DMXL2: variants seen among roughly 807,000 people sequenced by gnomAD.
The protein encoded by DMXL2 is Dmx like 2.
A neutral mutation model predicts 331.1 loss-of-function variants in DMXL2; 103 were observed. That is an observed-to-expected ratio of 0.31 (90% CI 0.27 to 0.37). The LOEUF (loss-of-function observed/expected upper bound fraction) is 0.37, where lower values mean the gene tolerates loss of function less well. Ranked by LOEUF, DMXL2 falls within the 10% of genes least tolerant of loss-of-function variation. The pLI is 1.00. For missense variants in DMXL2, 3,171 were observed against 3,642.9 expected (o/e 0.87, Z 3.33); for synonymous variants, 1,281 against 1,252.1 (o/e 1.02, Z -0.49).
intron 27 of DMXL2, among the ~76,000 whole-genome samples, chr15:51,475,822 A>T (rs1182432401): frequency 6.6e-6 from 1 of 152,200 alleles, no homozygotes; most frequent in Non-Finnish European, 1.5e-5. Context: ...GTTTAGATGG[A>T]AAGGGATATC....
chr15:51,485,928 T>C, intron 23 of DMXL2, 145 bp downstream of exon 23: 1 of 819,950 alleles, frequency 1.2e-6, no homozygotes. Context: ...ATCTAATCCT[T>C]TAGACACACA....
intron 6 of DMXL2, among the ~76,000 whole-genome samples, chr15:51,556,571 G>A (rs1403238706): frequency 3.9e-5 from 6 of 151,950 alleles, no homozygotes; most frequent in African/African-American, 7.3e-5. Flanking sequence ...TCAGGAGTTC[G>A]AGACCAGCCT....
chr15:51,552,401 G>A (rs754050740), intron 6 of DMXL2, among the ~76,000 whole-genome samples: 1 of 152,174 alleles, frequency 6.6e-6, no homozygotes, highest in Admixed American at 6.5e-5. Flanking sequence ...GGAGGGCAGA[G>A]ACATGGACTT....
chr15:51,600,749 G>T (rs2053168471), intron 1 of DMXL2, among the ~76,000 whole-genome samples: 1 of 152,100 alleles, frequency 6.6e-6, no homozygotes, highest in Non-Finnish European at 1.5e-5. Context: ...GAACCACAAG[G>T]GTATCTGCCA....
intron 20 of DMXL2, among the ~76,000 whole-genome samples, chr15:51,489,128 T>C (rs2042609614): frequency 6.6e-6 from 1 of 152,204 alleles, no homozygotes; most frequent in Non-Finnish European, 1.5e-5. Flanking sequence ...TCTTGAAAAT[T>C]CAACATGTTA....
chr15:51,504,149 A>G (rs1242884732), intron 16 of DMXL2, among the ~76,000 whole-genome samples: 1 of 152,086 alleles, frequency 6.6e-6, no homozygotes, highest in Admixed American at 6.5e-5. Context: ...GATCCCAGTA[A>G]AGCAGCCCAG....
chr15:51,589,860 C>T (rs771424839), intron 1 of DMXL2, among the ~76,000 whole-genome samples: 1 of 152,054 alleles, frequency 6.6e-6, no homozygotes, highest in Non-Finnish European at 1.5e-5. Context: ...TAGGACTCGA[C>T]CCTAAGAAAA....
chr15:51,488,107 A>G lies in DMXL2; in HGVS notation c.5064T>C (p.Asp1688=). ...VVWGLFRSQH[D]EKMTTFFSHN... ...GGCTGAAAAATGTTGTCATTTTTTC[A>G]TCATGCTGTGACCTGGGGACCGAGC... Residue 1688 remains aspartate, a synonymous_variant, in exon 22 of 44, where the codon GAT becomes GAC. Transcript: ENST00000560891. 6.2e-7 allele frequency: 1 copy of G among 1,607,974 alleles called. No homozygotes were observed. Among genetic ancestry groups the G allele is most frequent in the Non-Finnish European group, 8.5e-7 (1 of 1,177,458 alleles).
chr15:51,546,639 A>G (rs571561569), intron 7 of DMXL2, among the ~76,000 whole-genome samples: 1 of 152,200 alleles, frequency 6.6e-6, no homozygotes, highest in South Asian at 2.1e-4. Context: ...AGTTTATTTA[A>G]TCTTCTAAAT....
intron 1 of DMXL2, among the ~76,000 whole-genome samples, chr15:51,605,254 G>C (rs1208427791): frequency 3.9e-5 from 6 of 152,278 alleles, no homozygotes; most frequent in Admixed American, 2.6e-4. Flanking sequence ...AGGCTAGAGT[G>C]CAGTAGCATC....
At chr15:51,525,387 A>T (rs1482413058) in intron 13 of DMXL2, among the ~76,000 whole-genome samples, 2 of 152,130 alleles carry the variant, frequency 1.3e-5, no homozygotes, top group Admixed American at 1.3e-4. Context: ...CTTCGACAGC[A>T]CATATATTAA....
intron 20 of DMXL2, 34 bp downstream of exon 20, chr15:51,491,544 T>A (rs779495021): frequency 3.8e-6 from 6 of 1,560,424 alleles, no homozygotes; most frequent in South Asian, 3.7e-5. Flanking sequence ...AAGGTTTTTT[T>A]AATATAACTC....
At chr15:51,592,938 C>T (rs944668652) in intron 1 of DMXL2, among the ~76,000 whole-genome samples, 28 of 152,258 alleles carry the variant, frequency 1.8e-4, no homozygotes, top group African/African-American at 6.7e-4. Context: ...AAGGAACAAC[C>T]AGTACCAGCC....
At chr15:51,552,783 T>C (rs986122711) in intron 6 of DMXL2, among the ~76,000 whole-genome samples, 2 of 152,170 alleles carry the variant, frequency 1.3e-5, no homozygotes, top group Non-Finnish European at 2.9e-5. Context: ...TCCAGACCCA[T>C]AACTTTAAAC....
intron 33 of DMXL2, among the ~76,000 whole-genome samples, chr15:51,462,417 C>T (rs1392873156): frequency 6.6e-6 from 1 of 152,110 alleles, no homozygotes; most frequent in Non-Finnish European, 1.5e-5. Flanking sequence ...CTTACTGCAA[C>T]CTCTGCCTCT....
intron 1 of DMXL2, among the ~76,000 whole-genome samples, chr15:51,585,799 A>C (rs555723509): frequency 6.6e-6 from 1 of 152,188 alleles, no homozygotes; most frequent in Non-Finnish European, 1.5e-5. Flanking sequence ...ATCTTTTCAC[A>C]TATTTATCAG....
At position 51,478,345 on chromosome 15, in the gene DMXL2, C is replaced by T; in HGVS notation, c.6759G>A (p.Val2253=). 6.2e-7 allele frequency: 1 copy of T among 1,612,362 alleles called. No homozygotes were observed. The highest frequency in any genetic ancestry group is 1.1e-5 in the South Asian group (1 of 90,930). The change falls in exon 26 of 44, where the codon GTG becomes GTA. Residue 2253 remains valine (V), a splice_region_variant and synonymous_variant. Transcript: ENST00000560891. ...PPHPSIEDVK[V]HTLHSLAASL... ...ATGCTGCTAGTGAATGAAGTGTGTGCACCTAAAACCAAAACAGTCACAATT... is the reference window on the plus strand; with the variant it reads ...ATGCTGCTAGTGAATGAAGTGTGTGTACCTAAAACCAAAACAGTCACAATT...
Position 51,478,309 on chromosome 15 carries a change from T to C in DMXL2, c.6795A>G (p.Ala2265=). 3 of 1,613,302 alleles carry C rather than the reference T, an allele frequency of 1.9e-6. No individual in the cohort carries two copies. The highest frequency in any genetic ancestry group is 2.5e-6 in the Non-Finnish European group (3 of 1,179,502). Residue 2265 remains alanine (A), a synonymous_variant, in exon 26 of 44, where the codon GCA becomes GCG. Coordinates refer to ENST00000560891, the MANE Select transcript of DMXL2 (RefSeq NM_001378457.1). Reference sequence around the variant, plus strand: ...TGTCACATAATGCTTGGTAAATTGATGCAGAAAGTGATGCTGCTAGTGAAT... The same window carrying C: ...TGTCACATAATGCTTGGTAAATTGACGCAGAAAGTGATGCTGCTAGTGAAT... ...TLHSLAASLS[A]SIYQALCDSH... is the part of the protein sequence containing the mutation.
intron 28 of DMXL2, among the ~76,000 whole-genome samples, chr15:51,471,745 A>T (rs1375536580): frequency 1.3e-5 from 2 of 152,252 alleles, no homozygotes; most frequent in Non-Finnish European, 2.9e-5. Flanking sequence ...AGATTCACTG[A>T]ATATGTAGAA....
Sources: gnomAD v4.1 joint callset for allele counts (sites outside exome capture counted in the v4.1 genomes callset) on GRCh38, gnomAD v4.1.1 for gene constraint, MANE v1.5 for transcripts, NCBI Gene and HGNC (gene_info 2026-07-23, HGNC 2026-07-21) for gene names.